The following LIN28B variants were observed in gnomAD, a reference collection of about 807,000 sequenced individuals.
The protein encoded by LIN28B is protein lin-28 homolog B.
In LIN28B, 5 loss-of-function variants were observed where a neutral mutation model predicts 21.9. The ratio of observed to expected loss-of-function variants is 0.23; its 90% confidence interval spans 0.12 to 0.48. LIN28B has a LOEUF of 0.48. Among genes scored for constraint, LIN28B ranks in the 20% least tolerant of loss-of-function variants. The pLI is 0.98. For synonymous variants in LIN28B, 109 were observed against 111.3 expected (o/e 0.98, Z 0.13); for missense variants, 245 against 310.5 (o/e 0.79, Z 1.58).
At chr6:105,027,501 T>C (rs991595850) in intron 3 of LIN28B, among the ~76,000 whole-genome samples, 2 of 152,140 alleles carry the variant, frequency 1.3e-5, no homozygotes, top group African/African-American at 4.8e-5. Context: ...TTTGTTATTA[T>C]TGATTTCTAA....
intron 3 of LIN28B, among the ~76,000 whole-genome samples, chr6:105,042,130 A>AC (rs1204855207): frequency 6.6e-6 from 1 of 152,154 alleles, no homozygotes; most frequent in Non-Finnish European, 1.5e-5. Flanking sequence ...GTGAACTCCC[A>AC]CCCCCATCTA....
At chr6:105,068,302 T>G (rs527739282) in intron 3 of LIN28B, among the ~76,000 whole-genome samples, 15 of 152,350 alleles carry the variant, frequency 9.8e-5, no homozygotes, top group Non-Finnish European at 1.3e-4. Context: ...AATTTTTTTG[T>G]CCATTTGGTT....
At chr6:105,017,933 A>G (rs905991997) in intron 2 of LIN28B, among the ~76,000 whole-genome samples, 3 of 152,192 alleles carry the variant, frequency 2.0e-5, no homozygotes, top group Admixed American at 6.5e-5. Flanking sequence ...AATTTTAGAA[A>G]GAAATATTTG....
chr6:105,016,351 A>G (rs79036812), intron 2 of LIN28B, among the ~76,000 whole-genome samples: 3,015 of 152,326 alleles, frequency 0.02, 102 homozygotes, highest in African/African-American at 0.07. Flanking sequence ...ATTAAAGGAT[A>G]AAAGGTGAGC....
At chr6:105,005,887 A>G (rs958569068) in intron 2 of LIN28B, among the ~76,000 whole-genome samples, 20 of 152,040 alleles carry the variant, frequency 1.3e-4, no homozygotes, top group African/African-American at 4.8e-4. Flanking sequence ...GATTCTTTAA[A>G]TTTCTCTAAT....
chr6:105,004,129 C>T (rs776183086), intron 2 of LIN28B, among the ~76,000 whole-genome samples: 2 of 152,110 alleles, frequency 1.3e-5, no homozygotes, highest in Non-Finnish European at 1.5e-5. Context: ...CCAGTCTAGT[C>T]TTTTCACATT....
intron 3 of LIN28B, among the ~76,000 whole-genome samples, chr6:105,050,563 C>T (rs1771878337): frequency 7.8e-6 from 1 of 128,810 alleles, no homozygotes; most frequent in South Asian, 2.6e-4. Flanking sequence ...GATTGCGCCA[C>T]TGCAGTCCGC....
chr6:104,948,028 AAG>A (rs756546409), intron 2 of LIN28B, among the ~76,000 whole-genome samples: 2 of 152,184 alleles, frequency 1.3e-5, no homozygotes, highest in South Asian at 2.1e-4. Context: ...CAGTATGAAA[AAG>A]AGCTCTAAGT....
intron 2 of LIN28B, among the ~76,000 whole-genome samples, chr6:104,942,594 TG>T (rs1345536895): frequency 6.6e-6 from 1 of 152,136 alleles, no homozygotes; most frequent in Admixed American, 6.5e-5. Flanking sequence ...CAGAAGAGAA[TG>T]TAATAATCAG....
At chr6:105,055,276 A>T (rs182730745) in intron 3 of LIN28B, among the ~76,000 whole-genome samples, 44 of 152,178 alleles carry the variant, frequency 2.9e-4, no homozygotes, top group African/African-American at 7.9e-4. Flanking sequence ...TTCATCTGAG[A>T]TTCTAATTAC....
At chr6:105,038,896 A>G (rs531285133) in intron 3 of LIN28B, among the ~76,000 whole-genome samples, 1 of 152,340 alleles carries the variant, frequency 6.6e-6, no homozygotes, top group African/African-American at 2.4e-5. Context: ...AGAAATTTCA[A>G]AGTCTGACAG....
chr6:105,045,888 G>A (rs533747016), intron 3 of LIN28B, among the ~76,000 whole-genome samples: 1 of 152,064 alleles, frequency 6.6e-6, no homozygotes, highest in Admixed American at 6.6e-5. Context: ...TATGTAATGT[G>A]CTATCTAATA....
chr6:105,060,802 G>A (rs951002891), intron 3 of LIN28B, among the ~76,000 whole-genome samples: 2 of 152,158 alleles, frequency 1.3e-5, no homozygotes, highest in African/African-American at 2.4e-5. Context: ...TGGAAACTAG[G>A]GTTGGGTCAA....
intron 2 of LIN28B, among the ~76,000 whole-genome samples, chr6:104,938,050 C>CAAAAAAAAAAAAAAAAAAAA (rs10562331): frequency 1.4e-5 from 1 of 73,710 alleles, no homozygotes; most frequent in African/African-American, 6.1e-5. Context: ...CCTGTCTCTA[C>CAAAAAAAAAAAAAAAAAAAA]AAAAAAAAAA....
intron 3 of LIN28B, among the ~76,000 whole-genome samples, chr6:105,050,501 C>T (rs1244580563): frequency 6.9e-6 from 1 of 144,552 alleles, no homozygotes; most frequent in Non-Finnish European, 1.5e-5. Flanking sequence ...ACTCGGGAGG[C>T]TGAGGCAGGA....
chr6:105,063,505 G>A (rs528172678), intron 3 of LIN28B, among the ~76,000 whole-genome samples: 5 of 151,952 alleles, frequency 3.3e-5, no homozygotes, highest in South Asian at 2.1e-4. Context: ...GCATGGTGGC[G>A]CATGCCTGTA....
At chr6:105,023,347 A>T (rs1353872902) in intron 2 of LIN28B, among the ~76,000 whole-genome samples, 7 of 20,000 alleles carry the variant, frequency 3.5e-4, no homozygotes, top group African/African-American at 9.0e-4. Flanking sequence ...ATTATATATA[A>T]TATATATAAT....
intron 2 of LIN28B, among the ~76,000 whole-genome samples, chr6:104,991,485 T>C (rs1180038187): frequency 7.3e-6 from 1 of 137,508 alleles, no homozygotes; most frequent in Non-Finnish European, 1.6e-5. Context: ...CCTCACTTCC[T>C]AGACGGGATG....
intron 2 of LIN28B, among the ~76,000 whole-genome samples, chr6:104,971,697 ATTTT>A (rs924451077): frequency 6.6e-6 from 1 of 151,948 alleles, no homozygotes; most frequent in Non-Finnish European, 1.5e-5. Flanking sequence ...CAATTGATTT[ATTTT>A]TTTATGTCCT....
Sources: gnomAD v4.1 joint callset for allele counts (sites outside exome capture counted in the v4.1 genomes callset) on GRCh38, gnomAD v4.1.1 for gene constraint, MANE v1.5 for transcripts, NCBI Gene and HGNC (gene_info 2026-07-23, HGNC 2026-07-21) for gene names.